The following SKAP2 variants were observed in gnomAD, a reference collection of about 807,000 sequenced individuals.
SKAP2 encodes src kinase associated phosphoprotein 2.
SKAP2 carries 28 observed loss-of-function variants against 54.9 expected under a neutral mutation model. The ratio of observed to expected loss-of-function variants is 0.51; its 90% CI spans 0.38 to 0.70. The LOEUF (loss-of-function observed/expected upper bound fraction) is 0.70. SKAP2 is among the 30% of genes least tolerant of loss of function. The pLI is 0.00. For missense variants in SKAP2, 356 were observed against 424.1 expected (o/e 0.84, Z 1.41); for synonymous variants, 137 against 134.3 (o/e 1.02, Z -0.14).
chr7:26,675,021 C>T (rs1359963630), intron 11 of SKAP2, among the ~76,000 whole-genome samples: 2 of 152,120 alleles, frequency 1.3e-5, no homozygotes, highest in Non-Finnish European at 2.9e-5. Context: ...CTACATGACT[C>T]TATTAACTGT....
At chr7:26,793,069 T>G (rs960561777) in intron 4 of SKAP2, among the ~76,000 whole-genome samples, 2 of 152,186 alleles carry the variant, frequency 1.3e-5, no homozygotes. Flanking sequence ...AGCAGTGACA[T>G]AGTGTTTGCT....
At chr7:26,803,380 T>C (rs1019360305) in intron 4 of SKAP2, among the ~76,000 whole-genome samples, 2 of 152,188 alleles carry the variant, frequency 1.3e-5, no homozygotes, top group Non-Finnish European at 2.9e-5. Context: ...TCAACATCAC[T>C]GATCATCAGA....
At chr7:26,766,119 C>T (rs1783047123) in intron 4 of SKAP2, among the ~76,000 whole-genome samples, 1 of 152,072 alleles carries the variant, frequency 6.6e-6, no homozygotes, top group African/African-American at 2.4e-5. Context: ...AATGTTTTTC[C>T]ATTTGTTTGT....
At chr7:26,799,693 C>T (rs1254485220) in intron 4 of SKAP2, among the ~76,000 whole-genome samples, 4 of 152,188 alleles carry the variant, frequency 2.6e-5, no homozygotes, top group East Asian at 1.9e-4. Context: ...GCTTAATCTG[C>T]ACTATAGACC....
downstream of SKAP2, among the ~76,000 whole-genome samples, chr7:26,662,203 A>G (rs145395881): frequency 2.6e-5 from 4 of 152,280 alleles, no homozygotes; most frequent in African/African-American, 9.6e-5. Flanking sequence ...CGTTCACATT[A>G]TTCATATACA....
In SKAP2 at chr7:26,667,702, T is replaced by C. The variant is rs1005169324; in HGVS notation, c.*1964A>G. On this transcript the variant is annotated 3_prime_UTR_variant, in exon 13 of 13. Coordinates refer to ENST00000345317, the MANE Select transcript of SKAP2 (RefSeq NM_003930.5). ...CTAGATGCTTTCCATCATGGGCGAG[T>C]TTGTGCCATGGGGGAAGGGTTTCAA... 3.9e-5 allele frequency: 6 copies of C among 152,346 alleles called. No homozygotes were observed. Among genetic ancestry groups the C allele is most frequent in the Non-Finnish European group, 1.5e-5 (1 of 67,996 alleles). The allele number at this position is 152,346 out of a possible 1,614,324, so 9.4% of individuals were successfully genotyped here. A position where few individuals can be genotyped will look rare whatever the true frequency, so the allele number is the denominator to read the frequency against.
At chr7:26,747,360 T>C (rs1782579954) in intron 4 of SKAP2, among the ~76,000 whole-genome samples, 1 of 152,134 alleles carries the variant, frequency 6.6e-6, no homozygotes, top group South Asian at 2.1e-4. Flanking sequence ...AGGGTTATGC[T>C]TTGGGGAAAA....
intron 4 of SKAP2, among the ~76,000 whole-genome samples, chr7:26,814,536 T>C (rs1398315769): frequency 1.4e-5 from 2 of 145,380 alleles, no homozygotes; most frequent in African/African-American, 5.1e-5. Context: ...AATCACTCTT[T>C]AGGAACTTCA....
At chr7:26,773,585 A>T (rs911785427) in intron 4 of SKAP2, among the ~76,000 whole-genome samples, 6 of 152,176 alleles carry the variant, frequency 3.9e-5, no homozygotes, top group Admixed American at 6.5e-5. Flanking sequence ...TCCTAACTTC[A>T]ATTTCTGATA....
chr7:26,807,262 C>G (rs138077047), intron 4 of SKAP2, among the ~76,000 whole-genome samples: 166 of 152,300 alleles, frequency 1.1e-3, no homozygotes, highest in Admixed American at 3.4e-3. Flanking sequence ...TGGTTTGGCT[C>G]TGTGTCTCCA....
chr7:26,700,509 G>A (rs553655624), intron 9 of SKAP2, among the ~76,000 whole-genome samples: 1 of 152,136 alleles, frequency 6.6e-6, no homozygotes, highest in Non-Finnish European at 1.5e-5. Flanking sequence ...TCATAACTGC[G>A]TCTCTCACTA....
Position 26,864,476 on chromosome 7 carries a change from T to C in SKAP2, c.-47A>G, listed in dbSNP as rs748868791. 16 of 1,556,400 alleles carry C rather than the reference T, an allele frequency of 1.0e-5. No individual in the cohort carries two copies. The highest frequency in any genetic ancestry group is 1.9e-4 in the Middle Eastern group (1 of 5,398). On this transcript the variant is annotated 5_prime_UTR_variant, in exon 1 of 13. Transcript: ENST00000345317. ...GGGGAAAGGACCTGCGCTGAAAAGG[T>C]GACCGACGGGGTGGGGCTGCGGCTG...
intron 6 of SKAP2, among the ~76,000 whole-genome samples, chr7:26,737,338 T>C (rs892057997): frequency 3.9e-5 from 6 of 152,270 alleles, no homozygotes; most frequent in Non-Finnish European, 5.9e-5. Flanking sequence ...TGCTTGTTTA[T>C]AGCTGTTTAC....
In SKAP2 at chr7:26,780,388, T is replaced by C. The variant is rs544209370; in HGVS notation, c.308-40424A>G. On this transcript the variant is annotated intron_variant, in intron 4 of 12. Transcript: ENST00000345317. ...TTTGAATGACCTAAATAATTTCCAT[T>C]GTTGCATAGGGGCTATCTAGACTGG... is the stretch of plus-strand genomic sequence containing the variant. 1.7e-3 allele frequency among the ~76,000 whole-genome samples: 257 copies of C among 152,194 alleles called. 7 individuals carry two copies. The South Asian group carries it at 0.052, about 31-fold the overall frequency.
At position 26,843,208 on chromosome 7, in the gene SKAP2, C is replaced by T. The variant is rs1784854334; in HGVS notation, c.307+822G>A. Among the ~76,000 whole-genome samples the T allele has an allele frequency of 3.3e-5, 5 of 152,000 alleles. No individual in the cohort carries two copies. In the South Asian group the frequency reaches 1.0e-3, roughly 31 times the overall value. ...AATTGTATTTAGAGATGGAACTGCA[C>T]AGTTTGATCATCACATAGTGGCAGA... On this transcript the variant is annotated intron_variant, in intron 4 of 12. Transcript: ENST00000345317.
chr7:26,861,703 T>C (rs1383665440), intron 1 of SKAP2, among the ~76,000 whole-genome samples: 1 of 149,378 alleles, frequency 6.7e-6, no homozygotes, highest in African/African-American at 2.5e-5. Context: ...GTTGAAAGTA[T>C]AGCATAGAAC....
At chr7:26,794,496 A>T (rs764755072) in intron 4 of SKAP2, among the ~76,000 whole-genome samples, 1 of 152,246 alleles carries the variant, frequency 6.6e-6, no homozygotes, top group African/African-American at 2.4e-5. Context: ...GTTGGATAAA[A>T]GTTGCCAGGT....
chr7:26,800,407 TATTGAAAAAGAGGA>T, intron 4 of SKAP2, among the ~76,000 whole-genome samples: 1 of 152,208 alleles, frequency 6.6e-6, no homozygotes, highest in African/African-American at 2.4e-5. Context: ...TAAGTGCCTA[TATTGAAAAAGAGGA>T]AAATTTTCAA....
intron 4 of SKAP2, among the ~76,000 whole-genome samples, chr7:26,788,072 T>C (rs932632785): frequency 6.6e-6 from 1 of 152,084 alleles, no homozygotes; most frequent in African/African-American, 2.4e-5. Flanking sequence ...ACCCACAAAT[T>C]TGTTATTGGT....
Sources: gnomAD v4.1 joint callset for allele counts (sites outside exome capture counted in the v4.1 genomes callset) on GRCh38, gnomAD v4.1.1 for gene constraint, MANE v1.5 for transcripts, NCBI Gene and HGNC (gene_info 2026-07-23, HGNC 2026-07-21) for gene names.